Variants in NBPF11 observed in about 807,000 individuals in gnomAD.
NBPF11 encodes NBPF family member NBPF11.
NBPF11 carries 72 observed loss-of-function variants against 93.9 expected under a neutral mutation model. That is an observed-to-expected ratio of 0.77 (90% CI 0.63 to 0.93). The LOEUF (loss-of-function observed/expected upper bound fraction) is 0.93. Ranked by LOEUF, NBPF11 falls within the 40% of genes least tolerant of loss-of-function variation. NBPF11 has a pLI of 0.00. For synonymous variants in NBPF11, 224 were observed against 304.9 expected (o/e 0.73, Z 2.76); for missense variants, 705 against 802.2 (o/e 0.88, Z 1.46).
chr1:148,141,234 A>C (rs1368930586), intron 2 of NBPF11, among the ~76,000 whole-genome samples: 7 of 152,190 alleles, frequency 4.6e-5, no homozygotes, highest in Non-Finnish European at 5.9e-5. Flanking sequence ...TTAGGACATT[A>C]CGTAATTGCC....
intron 2 of NBPF11, among the ~76,000 whole-genome samples, chr1:148,142,447 C>T (rs1489716748): frequency 6.6e-6 from 1 of 151,236 alleles, no homozygotes; most frequent in Non-Finnish European, 1.5e-5. Context: ...GATCCCAGAA[C>T]ACCAGGCCGC....
chr1:148,123,815 C>A, intron 7 of NBPF11, 38 bp downstream of exon 7: 1 of 1,226,552 alleles, frequency 8.2e-7, no homozygotes, highest in Non-Finnish European at 1.2e-6. Flanking sequence ...TCTCATAAGC[C>A]TGGGGTTTTG....
In NBPF11 at chr1:148,104,535, A is replaced by C; in HGVS notation, c.2581+2T>G. 2 of 602,110 alleles carry C rather than the reference A, an allele frequency of 3.3e-6. No individual in the cohort carries two copies. Among genetic ancestry groups the C allele is most frequent in the Non-Finnish European group, 5.8e-6 (2 of 344,244 alleles). 37.3% of individuals were successfully genotyped at this position (602,110 alleles called of 1,614,324 possible). A position where few individuals can be genotyped will look rare whatever the true frequency, so the allele number is the denominator to read the frequency against. ...TAAGCATCCACAATTGCTGAAAGTT[A>C]CCTGGGGCATGGTGGGTTTTGATCT... On this transcript the variant is annotated splice_donor_variant, in intron 23 of 23. Transcript: ENST00000682118. LOFTEE classifies it high-confidence loss of function.
intron 4 of NBPF11, among the ~76,000 whole-genome samples, chr1:148,131,426 C>T (rs1294791726): frequency 4.2e-4 from 64 of 152,078 alleles, no homozygotes; most frequent in African/African-American, 1.5e-3. Context: ...GGGCCCCCAG[C>T]ACCTAGACCC....
At chr1:148,133,050 T>A (rs1440589742) in intron 4 of NBPF11, among the ~76,000 whole-genome samples, 1 of 149,652 alleles carries the variant, frequency 6.7e-6, no homozygotes, top group African/African-American at 2.5e-5. Flanking sequence ...GTGCCCAGTC[T>A]GTTGAATTTA....
intron 1 of NBPF11, chr1:148,149,507 C>T (rs2149316952): frequency 4.4e-6 from 7 of 1,593,298 alleles, no homozygotes; most frequent in Middle Eastern, 2.3e-4. Flanking sequence ...GCTCTACAGC[C>T]AGTACCTGGA....
chr1:148,122,843 A>T, intron 7 of NBPF11, 42 bp from the exon 8 acceptor site: 1 of 1,608,984 alleles, frequency 6.2e-7, no homozygotes. Context: ...CCCACTTCAC[A>T]TTCTGCAAGC....
At chr1:148,146,592 G>A in intron 1 of NBPF11, 5 of 1,609,412 alleles carry the variant, frequency 3.1e-6, no homozygotes, top group Non-Finnish European at 4.2e-6. Flanking sequence ...CCGGGCGCTG[G>A]AAGCTGCACC....
At position 148,135,833 on chromosome 1, in the gene NBPF11, A is replaced by T. The variant is rs1363641507; in HGVS notation, c.-177-20T>A. ...CAAGGGCTACCAAGAAGAAACAAAT[A>T]ATTTATTTACCTCCCCAGAGGAAAA... On this transcript the variant is annotated intron_variant, in intron 3 of 23. Transcript: ENST00000682118. The T allele has an allele frequency of 7.2e-5, 51 of 703,890 alleles. No individual in the cohort carries two copies. In the South Asian group the frequency reaches 8.0e-4, roughly 11 times the overall value. The allele number at this position is 703,890 out of a possible 1,614,324, so 43.6% of individuals were successfully genotyped here.
intron 15 of NBPF11, among the ~76,000 whole-genome samples, chr1:148,113,158 A>G (rs1207678255): frequency 2.0e-5 from 3 of 152,060 alleles, no homozygotes; most frequent in Admixed American, 6.5e-5. Context: ...TGCCCCAGTT[A>G]AAAAACACAG....
chr1:148,147,351 C>T (rs1673336514), intron 1 of NBPF11, among the ~76,000 whole-genome samples: 1 of 152,150 alleles, frequency 6.6e-6, no homozygotes, highest in African/African-American at 2.4e-5. Context: ...GCCCATGAGG[C>T]CCTGTGGCTG....
intron 14 of NBPF11, among the ~76,000 whole-genome samples, 195 bp downstream of exon 14, chr1:148,115,598 C>T (rs1309405743): frequency 5.3e-5 from 8 of 151,714 alleles, no homozygotes; most frequent in South Asian, 4.2e-4. Context: ...TGCCTGGGGT[C>T]GAGTAACTTG....
At chr1:148,147,755 G>A (rs1284369573) in intron 1 of NBPF11, among the ~76,000 whole-genome samples, 3 of 151,934 alleles carry the variant, frequency 2.0e-5, no homozygotes, top group Non-Finnish European at 4.4e-5. Context: ...TGGTCCCCTG[G>A]CACCACCCTG....
Position 148,103,857 on chromosome 1 carries a change from C to T in NBPF11, c.*39G>A, listed in dbSNP as rs1291888198. The stretch of plus-strand genomic sequence containing the variant: ...ATTGATGGAGTCGAATAATATCTAT[C>T]CAGTGAGTCCTGTAAGACTTCAGGC... On this transcript the variant is annotated 3_prime_UTR_variant, in exon 24 of 24. Transcript: ENST00000682118. The T allele has an allele frequency of 1.2e-6, 2 of 1,611,334 alleles. No individual in the cohort carries two copies. Among genetic ancestry groups the T allele is most frequent in the Non-Finnish European group, 1.7e-6 (2 of 1,179,374 alleles).
chr1:148,121,967 T>C, intron 9 of NBPF11, 88 bp downstream of exon 9: 1 of 937,590 alleles, frequency 1.1e-6, no homozygotes, highest in Non-Finnish European at 1.8e-6. Context: ...ACTAAAACAA[T>C]AACAATATGT....
chr1:148,121,670 C>G, intron 9 of NBPF11, among the ~76,000 whole-genome samples: 1 of 151,814 alleles, frequency 6.6e-6, no homozygotes, highest in Non-Finnish European at 1.5e-5. Context: ...TTATTAATAG[C>G]TAAGACAAGC....
chr1:148,126,173 G>A (rs1669063910), intron 5 of NBPF11, among the ~76,000 whole-genome samples: 1 of 151,658 alleles, frequency 6.6e-6, no homozygotes, highest in Non-Finnish European at 1.5e-5. Context: ...TCTACTTTTT[G>A]TATTTTTAGT....
chr1:148,134,161 T>G (rs1209032361), intron 4 of NBPF11, among the ~76,000 whole-genome samples: 5 of 151,534 alleles, frequency 3.3e-5, no homozygotes, highest in Non-Finnish European at 5.9e-5. Context: ...ATGCATTTCT[T>G]AATGCCTTGG....
At chr1:148,125,713 C>T (rs1395317971) in intron 5 of NBPF11, among the ~76,000 whole-genome samples, 5 of 151,758 alleles carry the variant, frequency 3.3e-5, no homozygotes, top group African/African-American at 4.9e-5. Context: ...TCAAGGAGAT[C>T]GACAGGAAAT....
Sources: gnomAD v4.1 joint callset for allele counts (sites outside exome capture counted in the v4.1 genomes callset) on GRCh38, gnomAD v4.1.1 for gene constraint, MANE v1.5 for transcripts, NCBI Gene and HGNC (gene_info 2026-07-23, HGNC 2026-07-21) for gene names.